Variants in EEFSEC observed in about 807,000 individuals in gnomAD.
EEFSEC encodes the protein selenocysteine-specific elongation factor.
A neutral mutation model predicts 42.1 loss-of-function variants in EEFSEC; 43 were observed. The ratio of observed to expected loss-of-function variants is 1.02; its 90% confidence interval spans 0.80 to 1.32. EEFSEC has a LOEUF of 1.32. Ranked by LOEUF, EEFSEC falls within the 40% of genes most tolerant of loss-of-function variation. The pLI is 0.00. For synonymous variants in EEFSEC, 354 were observed against 339.1 expected, an observed-to-expected ratio of 1.04 and a Z score of -0.48; for missense variants, 745 against 803.6, an observed-to-expected ratio of 0.93 and a Z score of 0.88.
intron 1 of EEFSEC, among the ~76,000 whole-genome samples, chr3:128,187,020 G>A (rs540023716): frequency 2.6e-5 from 4 of 152,322 alleles, no homozygotes; most frequent in African/African-American, 9.6e-5. Flanking sequence ...AGTGGTAGAA[G>A]CAGGTTTTCA....
intron 1 of EEFSEC, among the ~76,000 whole-genome samples, chr3:128,175,325 G>A (rs982882057): frequency 6.6e-6 from 1 of 152,232 alleles, no homozygotes; most frequent in Non-Finnish European, 1.5e-5. Context: ...CTTTCTAAGG[G>A]AGGTGCCAGG....
At chr3:128,364,725 G>A (rs1251212742) in intron 6 of EEFSEC, among the ~76,000 whole-genome samples, 1 of 152,216 alleles carries the variant, frequency 6.6e-6, no homozygotes, top group Non-Finnish European at 1.5e-5. Context: ...CCCAGGCCCT[G>A]CAGCACTGCT....
intron 4 of EEFSEC, among the ~76,000 whole-genome samples, chr3:128,268,433 A>G (rs960547531): frequency 5.9e-5 from 9 of 152,126 alleles, no homozygotes; most frequent in African/African-American, 2.2e-4. Flanking sequence ...TGTATTTTGC[A>G]TGTGGGATGG....
At chr3:128,272,608 G>A (rs2066426202) in intron 4 of EEFSEC, among the ~76,000 whole-genome samples, 2 of 152,190 alleles carry the variant, frequency 1.3e-5, no homozygotes, top group African/African-American at 4.8e-5. Flanking sequence ...TCCAGTCAGG[G>A]CTATCTGTTA....
At chr3:128,391,484 C>T (rs1368590209) in intron 6 of EEFSEC, among the ~76,000 whole-genome samples, 1 of 152,182 alleles carries the variant, frequency 6.6e-6, no homozygotes, top group Non-Finnish European at 1.5e-5. Context: ...GCAGGGAGGA[C>T]ATGGCCACGA....
chr3:128,396,321 C>A (rs116681863), intron 6 of EEFSEC, among the ~76,000 whole-genome samples: 2 of 152,132 alleles, frequency 1.3e-5, no homozygotes, highest in Non-Finnish European at 2.9e-5. Context: ...CAGCTACTGG[C>A]GAGGACATGT....
intron 1 of EEFSEC, among the ~76,000 whole-genome samples, chr3:128,166,977 C>G (rs537286466): frequency 2.0e-5 from 3 of 152,134 alleles, no homozygotes; most frequent in East Asian, 3.9e-4. Context: ...TTTGTTTGCT[C>G]TCTGCTGGCA....
chr3:128,218,187 T>C (rs777732754), intron 1 of EEFSEC, among the ~76,000 whole-genome samples: 6 of 152,022 alleles, frequency 3.9e-5, no homozygotes, highest in Admixed American at 6.5e-5. Context: ...GTGAAGTGAA[T>C]AAGGGGAAAA....
At chr3:128,164,998 G>T (rs2065230147) in intron 1 of EEFSEC, among the ~76,000 whole-genome samples, 1 of 152,210 alleles carries the variant, frequency 6.6e-6, no homozygotes. Context: ...GGAAAGTGGG[G>T]CTCTGGGGTT....
chr3:128,217,182 T>G (rs1258027209), intron 1 of EEFSEC, among the ~76,000 whole-genome samples: 1 of 152,172 alleles, frequency 6.6e-6, no homozygotes, highest in Non-Finnish European at 1.5e-5. Context: ...GGGCCTTCTA[T>G]GCATACTTGT....
chr3:128,330,500 C>T (rs1251846229), intron 4 of EEFSEC, among the ~76,000 whole-genome samples: 1 of 152,158 alleles, frequency 6.6e-6, no homozygotes, highest in East Asian at 1.9e-4. Context: ...TAAGGAGCGT[C>T]CTGGTCTGCC....
intron 4 of EEFSEC, among the ~76,000 whole-genome samples, chr3:128,331,282 C>G (rs2067129262): frequency 2.8e-5 from 1 of 35,802 alleles, no homozygotes; most frequent in Non-Finnish European, 6.2e-5. Context: ...CCCCTCTTCC[C>G]CCTTCCTCAA....
At chr3:128,332,918 A>C (rs1464239413) in intron 4 of EEFSEC, among the ~76,000 whole-genome samples, 1 of 152,264 alleles carries the variant, frequency 6.6e-6, no homozygotes, top group Non-Finnish European at 1.5e-5. Flanking sequence ...GAACCTTATT[A>C]AACAAAATTG....
chr3:128,330,336 C>A (rs545483014), intron 4 of EEFSEC, among the ~76,000 whole-genome samples: 1 of 152,292 alleles, frequency 6.6e-6, no homozygotes, highest in Non-Finnish European at 1.5e-5. Flanking sequence ...TCATTCCCTT[C>A]CTCTCAGAGT....
intron 1 of EEFSEC, among the ~76,000 whole-genome samples, chr3:128,214,320 T>A (rs568398487): frequency 1.7e-4 from 26 of 152,376 alleles, no homozygotes; most frequent in African/African-American, 6.3e-4. Flanking sequence ...TGTTCAGTAT[T>A]CTGTTCTTTC....
At chr3:128,281,882 G>T (rs922993073) in intron 4 of EEFSEC, among the ~76,000 whole-genome samples, 4 of 152,200 alleles carry the variant, frequency 2.6e-5, no homozygotes, top group South Asian at 2.1e-4. Context: ...GGAAGCTGGG[G>T]CGTTCCCCTG....
intron 6 of EEFSEC, among the ~76,000 whole-genome samples, chr3:128,363,274 G>A (rs2067550364): frequency 6.6e-6 from 1 of 152,238 alleles, no homozygotes; most frequent in Non-Finnish European, 1.5e-5. Flanking sequence ...TGCCCAGGGA[G>A]GTGTGCCACA....
chr3:128,331,747 A>G (rs1274923866), intron 4 of EEFSEC, among the ~76,000 whole-genome samples: 2 of 152,146 alleles, frequency 1.3e-5, no homozygotes, highest in Admixed American at 1.3e-4. Flanking sequence ...TAAGATAGCA[A>G]TGGGTCAGCA....
Position 128,358,208 on chromosome 3 carries a change from T to C in EEFSEC, c.1444-9T>C. 6.2e-7 allele frequency: 1 copy of C among 1,613,312 alleles called. No individual in the cohort carries two copies. The highest frequency in any genetic ancestry group is 8.5e-7 in the Non-Finnish European group (1 of 1,179,422). ...TGCCCTCTCTCTGTGGCTGGGTGTG[T>C]GGGGACAGGCGATGGATGACTACAG... On this transcript the variant is annotated splice_polypyrimidine_tract_variant and intron_variant, in intron 5 of 6. Coordinates refer to ENST00000254730, the MANE Select transcript of EEFSEC (RefSeq NM_021937.5).
Sources: gnomAD v4.1 joint callset for allele counts (sites outside exome capture counted in the v4.1 genomes callset) on GRCh38, gnomAD v4.1.1 for gene constraint, MANE v1.5 for transcripts, NCBI Gene and HGNC (gene_info 2026-07-23, HGNC 2026-07-21) for gene names.